The following SLC9B1 variants were observed in gnomAD, a reference collection of about 807,000 sequenced individuals.
SLC9B1 encodes the protein solute carrier family 9 member B1.
In SLC9B1, 32 loss-of-function variants were observed where a neutral mutation model predicts 51.7. The observed-to-expected ratio is 0.62, with a 90% CI of 0.47 to 0.83. SLC9B1 has a LOEUF of 0.83. SLC9B1 is among the 40% of genes least tolerant of loss of function. SLC9B1 has a pLI of 0.00. For missense variants in SLC9B1, 406 were observed against 613.2 expected (o/e 0.66, Z 3.57); for synonymous variants, 145 against 212.7 (o/e 0.68, Z 2.77).
At chr4:102,996,229 T>C (rs1274137750) in intron 1 of SLC9B1, among the ~76,000 whole-genome samples, 2 of 152,200 alleles carry the variant, frequency 1.3e-5, no homozygotes, top group East Asian at 3.8e-4. Context: ...ATTTTTTTGT[T>C]GTACTGGATC....
At position 103,019,608 on chromosome 4, in the gene SLC9B1, C is replaced by A. The variant is rs1039124390; in HGVS notation, c.-11G>T. On this transcript the variant is annotated 5_prime_UTR_variant, in exon 1 of 12. Coordinates refer to ENST00000296422, the MANE Select transcript of SLC9B1 (RefSeq NM_139173.4). Reference sequence around the variant, plus strand: ...GAAAAATGGGCCGTACCTACAACTTCTTTCGCAGCCCTCGCTGGCCCGGGA... The same window carrying A: ...GAAAAATGGGCCGTACCTACAACTTATTTCGCAGCCCTCGCTGGCCCGGGA... 1.9e-5 allele frequency: 19 copies of A among 985,380 alleles called. No individual in the cohort carries two copies. Among genetic ancestry groups the A allele is most frequent in the South Asian group, 4.7e-5 (1 of 21,294 alleles). The allele number at this position is 985,380 out of a possible 1,614,324, so 61.0% of individuals were successfully genotyped here. A position where few individuals can be genotyped will look rare whatever the true frequency, so the allele number is the denominator to read the frequency against.
At chr4:102,930,268 C>T (rs1390798803) in intron 7 of SLC9B1, among the ~76,000 whole-genome samples, 1 of 152,058 alleles carries the variant, frequency 6.6e-6, no homozygotes, top group African/African-American at 2.4e-5. Flanking sequence ...AGTTTATGTA[C>T]CCTGGTAGGA....
intron 3 of SLC9B1, among the ~76,000 whole-genome samples, chr4:102,957,782 A>ATGTGTGTGTG (rs199987719): frequency 6.8e-6 from 1 of 146,874 alleles, no homozygotes; most frequent in Non-Finnish European, 1.5e-5. Context: ...ATGTGTGTAT[A>ATGTGTGTGTG]TGTGTGTGTG....
intron 11 of SLC9B1, among the ~76,000 whole-genome samples, chr4:102,886,593 T>C (rs1733931532): frequency 6.6e-6 from 1 of 152,172 alleles, no homozygotes; most frequent in Admixed American, 6.6e-5. Context: ...GAGTGAATTT[T>C]TTAAAATTTA....
At chr4:102,938,653 C>A (rs1363494501) in intron 6 of SLC9B1, among the ~76,000 whole-genome samples, 3 of 152,138 alleles carry the variant, frequency 2.0e-5, no homozygotes, top group South Asian at 2.1e-4. Context: ...TTTAAGAAAA[C>A]CCCTGAAATC....
intron 6 of SLC9B1, among the ~76,000 whole-genome samples, chr4:102,944,318 A>C (rs1342381522): frequency 6.6e-6 from 1 of 152,128 alleles, no homozygotes; most frequent in Non-Finnish European, 1.5e-5. Flanking sequence ...CTGCATACCA[A>C]ACCCCTGTGA....
intron 9 of SLC9B1, among the ~76,000 whole-genome samples, chr4:102,907,011 C>T (rs1735089569): frequency 6.6e-6 from 1 of 152,102 alleles, no homozygotes; most frequent in South Asian, 2.1e-4. Context: ...GCATGAGCCA[C>T]CATGCCTGGC....
chr4:102,933,328 G>C (rs190996393), intron 6 of SLC9B1, among the ~76,000 whole-genome samples: 1 of 152,208 alleles, frequency 6.6e-6, no homozygotes, highest in Non-Finnish European at 1.5e-5. Flanking sequence ...GCTTCTGGCT[G>C]TACAACCTCT....
intron 3 of SLC9B1, among the ~76,000 whole-genome samples, chr4:102,972,932 G>A (rs1738840843): frequency 6.6e-6 from 1 of 152,076 alleles, no homozygotes; most frequent in Non-Finnish European, 1.5e-5. Context: ...GTTAATTCAA[G>A]TACACATATT....
At chr4:102,935,169 A>T (rs1213734224) in intron 6 of SLC9B1, among the ~76,000 whole-genome samples, 2 of 152,220 alleles carry the variant, frequency 1.3e-5, no homozygotes, top group African/African-American at 2.4e-5. Context: ...TCAACAAAAA[A>T]ATGGACAAAG....
At chr4:102,909,373 C>A (rs1156957629) in intron 9 of SLC9B1, among the ~76,000 whole-genome samples, 1 of 151,996 alleles carries the variant, frequency 6.6e-6, no homozygotes, top group Admixed American at 6.6e-5. Context: ...GAGGCCGAGG[C>A]AGGAGTATCA....
At chr4:103,009,040 C>A (rs902836563) in intron 1 of SLC9B1, among the ~76,000 whole-genome samples, 1 of 152,060 alleles carries the variant, frequency 6.6e-6, no homozygotes. Flanking sequence ...CCTCGTGATC[C>A]GCCCACCTTG....
chr4:102,988,468 A>C (rs997385713), intron 3 of SLC9B1, among the ~76,000 whole-genome samples: 2 of 152,162 alleles, frequency 1.3e-5, no homozygotes, highest in Admixed American at 6.6e-5. Context: ...AACTCTATGC[A>C]GTTTTAAGAA....
downstream of SLC9B1, among the ~76,000 whole-genome samples, chr4:102,899,413 TTTA>T (rs943382489): frequency 6.7e-6 from 1 of 149,542 alleles, no homozygotes; most frequent in Non-Finnish European, 1.5e-5. Flanking sequence ...ATATATATAT[TTTA>T]TTATTATTAT....
At chr4:102,960,719 ACTTTCTTT>A (rs1292724487) in intron 3 of SLC9B1, among the ~76,000 whole-genome samples, 34 of 150,024 alleles carry the variant, frequency 2.3e-4, no homozygotes, top group Middle Eastern at 3.5e-3. Flanking sequence ...ATTAAGCTTT[ACTTTCTTT>A]CTTTCTTTCT....
At chr4:102,999,611 A>T (rs1267951982) in intron 1 of SLC9B1, among the ~76,000 whole-genome samples, 1 of 152,200 alleles carries the variant, frequency 6.6e-6, no homozygotes, top group Non-Finnish European at 1.5e-5. Flanking sequence ...CCAGATGATA[A>T]CTTCTTTTGG....
downstream of SLC9B1, among the ~76,000 whole-genome samples, chr4:102,900,381 C>T (rs564868370): frequency 1.2e-4 from 19 of 152,282 alleles, no homozygotes; most frequent in South Asian, 3.9e-3. Flanking sequence ...CAGCAGTCTC[C>T]AAATCTTTCA....
At position 103,010,696 on chromosome 4, in the gene SLC9B1, C is replaced by CT. The variant is rs1323515628; in HGVS notation, c.-2+8902dup. 2.0e-5 allele frequency among the ~76,000 whole-genome samples: 3 copies of CT among 152,284 alleles called. No individual in the cohort carries two copies. In the East Asian group the frequency reaches 5.8e-4, roughly 29 times the overall value. On this transcript the variant is annotated intron_variant, in intron 1 of 11. Transcript: ENST00000296422. ...CTTCTGGAGGAAATAAATGCTGTAT[C>CT]TTTACATGTTGGAAGAGACAGAAGG...
intron 10 of SLC9B1, 22 bp downstream of exon 10, chr4:102,906,514 T>G: frequency 1.7e-6 from 2 of 1,184,746 alleles, no homozygotes; most frequent in Non-Finnish European, 2.4e-6. Flanking sequence ...TTTCATATTT[T>G]TTGTGCTCTA....
Sources: gnomAD v4.1 joint callset for allele counts (sites outside exome capture counted in the v4.1 genomes callset) on GRCh38, gnomAD v4.1.1 for gene constraint, MANE v1.5 for transcripts, NCBI Gene and HGNC (gene_info 2026-07-23, HGNC 2026-07-21) for gene names.